The following TRIML1 variants were observed in gnomAD, a reference collection of about 807,000 sequenced individuals.
TRIML1 encodes tripartite motif family like 1.
Under a neutral mutation model 32.3 loss-of-function variants are expected in TRIML1, and 34 were observed. The observed-to-expected ratio is 1.05, with a 90% CI of 0.80 to 1.40. The LOEUF (loss-of-function observed/expected upper bound fraction) is 1.40, where lower values mean the gene tolerates loss of function less well. TRIML1 is among the 40% of genes most tolerant of loss of function. TRIML1 has a pLI of 0.00. For missense variants in TRIML1, 595 were observed against 574.9 expected (o/e 1.03, Z -0.36); for synonymous variants, 244 against 226.6 (o/e 1.08, Z -0.69).
At chr4:188,141,641 T>C (rs1472343615) in intron 2 of TRIML1, among the ~76,000 whole-genome samples, 1 of 152,220 alleles carries the variant, frequency 6.6e-6, no homozygotes, top group African/African-American at 2.4e-5. Flanking sequence ...ACTTGTCATA[T>C]TTCTTACTCA....
chr4:188,146,247 C>T (rs1265636992), intron 5 of TRIML1, among the ~76,000 whole-genome samples: 1 of 152,156 alleles, frequency 6.6e-6, no homozygotes, highest in Non-Finnish European at 1.5e-5. Context: ...TAAAGATGTC[C>T]TGTGAACAGA....
upstream of TRIML1, among the ~76,000 whole-genome samples, chr4:188,138,484 G>A (rs1237486393): frequency 6.6e-6 from 1 of 152,122 alleles, no homozygotes; most frequent in East Asian, 1.9e-4. Context: ...TTCCTGGCAT[G>A]CAGTGAGCAG....
chr4:188,140,950 TATCTC>T (rs1306721780), intron 2 of TRIML1: 1 of 179,204 alleles, frequency 5.6e-6, no homozygotes, highest in African/African-American at 2.4e-5. Flanking sequence ...TAAAAAGAAA[TATCTC>T]AAAAACATGG....
chr4:188,142,409 A>C lies in TRIML1; in HGVS notation c.662A>C (p.Gln221Pro). ...LRNNEIKLTQ[Q>P]IRSLSKMIAQ... ...AACAATGAGATCAAACTGACCCAGCAAATCAGAAGCCTAAGCAAAATGATC... is the reference window on the plus strand; with the variant it reads ...AACAATGAGATCAAACTGACCCAGCCAATCAGAAGCCTAAGCAAAATGATC... Residue 221 changes from glutamine to proline, a missense_variant, in exon 3 of 6, where the codon CAA becomes CCA. By Grantham distance (76) the Gln-to-Pro change is moderately conservative. Coordinates refer to ENST00000332517, the MANE Select transcript of TRIML1 (RefSeq NM_178556.5). 6.2e-7 allele frequency: 1 copy of C among 1,613,968 alleles called. No homozygotes were observed. The highest frequency in any genetic ancestry group is 8.5e-7 in the Non-Finnish European group (1 of 1,180,008).
chr4:188,144,227 G>T, intron 5 of TRIML1, 94 bp downstream of exon 5: 1 of 1,149,274 alleles, frequency 8.7e-7, no homozygotes, highest in Admixed American at 2.0e-5. Flanking sequence ...CTGACACGAG[G>T]CTCCTGGTTA....
chr4:188,147,753 T>A (rs1053659271), downstream of TRIML1: 2 of 160,506 alleles, frequency 1.2e-5, no homozygotes, highest in Non-Finnish European at 2.7e-5. Flanking sequence ...ACTGTGCTGC[T>A]CGAATGTGTC....
chr4:188,148,389 G>A (rs1735162039), downstream of TRIML1, among the ~76,000 whole-genome samples: 1 of 151,992 alleles, frequency 6.6e-6, no homozygotes. Flanking sequence ...AACTACTCGG[G>A]AGGCTGAGGC....
At chr4:188,143,942 T>C in intron 4 of TRIML1, 82 bp downstream of exon 4, 2 of 1,608,368 alleles carry the variant, frequency 1.2e-6, no homozygotes, top group Non-Finnish European at 1.7e-6. Context: ...ATAGGAGGTC[T>C]GCGCTGTTGC....
intron 5 of TRIML1, among the ~76,000 whole-genome samples, chr4:188,144,651 T>C (rs73023259): frequency 0.18 from 27,083 of 151,798 alleles, 2,557 homozygotes; most frequent in Admixed American, 0.23. Flanking sequence ...CGTGAGCCAC[T>C]GCGCCCAGCC....
chr4:188,139,271 C>T (rs1734754853), upstream of TRIML1: 1 of 301,272 alleles, frequency 3.3e-6, no homozygotes, highest in Non-Finnish European at 6.1e-6. Context: ...CTGTTAGAAG[C>T]CAGAATCCTC....
intron 5 of TRIML1, among the ~76,000 whole-genome samples, chr4:188,145,096 C>G (rs749433501): frequency 5.3e-5 from 8 of 152,172 alleles, no homozygotes; most frequent in Non-Finnish European, 1.0e-4. Flanking sequence ...ATTAATCACA[C>G]AGATAATTAG....
In TRIML1 at chr4:188,147,498, C is replaced by G; in HGVS notation, c.*126C>G. 1 of 742,010 alleles carries G rather than the reference C, an allele frequency of 1.3e-6. No individual in the cohort carries two copies. The highest frequency in any genetic ancestry group is 3.2e-5 in the East Asian group (1 of 31,232). The allele number at this position is 742,010 out of a possible 1,614,324, so 46.0% of individuals were successfully genotyped here. A position where few individuals can be genotyped will look rare whatever the true frequency, so the allele number is the denominator to read the frequency against. On this transcript the variant is annotated 3_prime_UTR_variant, in exon 6 of 6. Coordinates refer to ENST00000332517, the MANE Select transcript of TRIML1 (RefSeq NM_178556.5). The stretch of plus-strand genomic sequence containing the variant: ...ATAAACTCCCGTAACCCCACCCCAC[C>G]CCCAAGAGTTTCCATTAACTTGATC...
downstream of TRIML1, among the ~76,000 whole-genome samples, chr4:188,148,976 C>T (rs562951168): frequency 4.2e-4 from 59 of 141,038 alleles, 1 homozygote; most frequent in Admixed American, 1.1e-3. Context: ...TGCAGTGGCG[C>T]GATCTCAGCT....
Position 188,147,569 on chromosome 4 carries a change from A to G in TRIML1, c.*197A>G. The G allele has an allele frequency of 2.4e-6, 1 of 410,208 alleles. No homozygotes were observed. The highest frequency in any genetic ancestry group is 4.3e-5 in the Admixed American group (1 of 23,284). 25.4% of individuals were successfully genotyped at this position (410,208 alleles called of 1,614,324 possible). On this transcript the variant is annotated 3_prime_UTR_variant, in exon 6 of 6. Transcript: ENST00000332517. Reference sequence around the variant, plus strand: ...ACACAATCAACTTCAACCCCAATAGAAGAGAGCTGATCATATTCTGTGTCT... The same window carrying G: ...ACACAATCAACTTCAACCCCAATAGGAGAGAGCTGATCATATTCTGTGTCT...
intron 1 of TRIML1, 86 bp downstream of exon 1, chr4:188,140,052 G>C: frequency 7.0e-7 from 1 of 1,424,866 alleles, no homozygotes; most frequent in Non-Finnish European, 9.5e-7. Flanking sequence ...TCCTCTGTGG[G>C]GGACAGTCAC....
intron 5 of TRIML1, among the ~76,000 whole-genome samples, chr4:188,144,509 C>G (rs1164914976): frequency 3.5e-5 from 5 of 143,442 alleles, no homozygotes; most frequent in African/African-American, 1.3e-4. Flanking sequence ...ACTACAGGCG[C>G]CCGCCACCAC....
chr4:188,143,463 C>T (rs1325977209), intron 3 of TRIML1: 1 of 275,738 alleles, frequency 3.6e-6, no homozygotes, highest in South Asian at 4.1e-5. Flanking sequence ...CCAAACACAC[C>T]ACCCCGACCT....
downstream of TRIML1, among the ~76,000 whole-genome samples, chr4:188,149,948 G>A (rs1018364202): frequency 6.6e-6 from 1 of 151,626 alleles, no homozygotes; most frequent in African/African-American, 2.4e-5. Flanking sequence ...GACTACAGGT[G>A]CTCGCGCACC....
upstream of TRIML1, among the ~76,000 whole-genome samples, chr4:188,139,212 G>A (rs1193332586): frequency 6.6e-6 from 1 of 152,124 alleles, no homozygotes; most frequent in Non-Finnish European, 1.5e-5. Context: ...TGCTCACATG[G>A]TTCCACAGTG....
Sources: allele counts gnomAD v4.1 joint callset (sites outside exome capture counted in the v4.1 genomes callset), GRCh38; gene constraint gnomAD v4.1.1; transcripts MANE v1.5; gene names NCBI Gene and HGNC (gene_info 2026-07-23, HGNC 2026-07-21).